The following SPAG16 variants were observed in gnomAD, a reference collection of about 807,000 sequenced individuals.
The protein encoded by SPAG16 is sperm associated antigen 16, also known as sperm-associated antigen 16 protein.
Under a neutral mutation model 80.4 loss-of-function variants are expected in SPAG16, and 86 were observed. The ratio of observed to expected loss-of-function variants is 1.07; its 90% CI spans 0.90 to 1.28. The LOEUF (loss-of-function observed/expected upper bound fraction) is 1.28. Ranked by LOEUF, SPAG16 falls within the 50% of genes most tolerant of loss-of-function variation. The pLI is 0.00. For missense variants in SPAG16, 870 were observed against 765.3 expected, an observed-to-expected ratio of 1.14 and a Z score of -1.61; for synonymous variants, 294 against 265.9, an observed-to-expected ratio of 1.11 and a Z score of -1.03.
intron 10 of SPAG16, among the ~76,000 whole-genome samples, chr2:213,560,092 A>G (rs1198459504): frequency 6.6e-6 from 1 of 152,058 alleles, no homozygotes; most frequent in Admixed American, 6.6e-5. Context: ...CACTCAGGAA[A>G]TGCAAATGTT....
chr2:213,407,685 GAGAC>G (rs1210287209), intron 9 of SPAG16, among the ~76,000 whole-genome samples: 1 of 146,236 alleles, frequency 6.8e-6, no homozygotes, highest in Admixed American at 6.8e-5. Flanking sequence ...AGAGAGGAGA[GAGAC>G]AGAAGAGAGA....
intron 15 of SPAG16, among the ~76,000 whole-genome samples, chr2:214,285,535 G>T (rs10183622): frequency 2.0e-5 from 3 of 152,034 alleles, no homozygotes; most frequent in Non-Finnish European, 4.4e-5. Context: ...CTAGCCGGGC[G>T]TGGTGGCTCA....
chr2:213,330,588 A>G (rs963428831), intron 5 of SPAG16, among the ~76,000 whole-genome samples: 8 of 152,182 alleles, frequency 5.3e-5, no homozygotes, highest in African/African-American at 1.7e-4. Flanking sequence ...TTACAGGCTC[A>G]TAGGTGGAAG....
At chr2:214,277,075 G>A (rs1217008184) in intron 15 of SPAG16, among the ~76,000 whole-genome samples, 5 of 151,816 alleles carry the variant, frequency 3.3e-5, no homozygotes, top group Non-Finnish European at 5.9e-5. Context: ...CCACTTGATC[G>A]AATCGGCTAC....
At chr2:214,280,780 C>A in intron 15 of SPAG16, 1 of 452,818 alleles carries the variant, frequency 2.2e-6, no homozygotes, top group South Asian at 1.8e-5. Flanking sequence ...ACTAGATTCT[C>A]TCATATAGCA....
intron 13 of SPAG16, among the ~76,000 whole-genome samples, chr2:214,084,460 A>G (rs2051590054): frequency 6.6e-6 from 1 of 152,176 alleles, no homozygotes; most frequent in South Asian, 2.1e-4. Flanking sequence ...CCCTAAACCA[A>G]TGGAAATACC....
chr2:213,401,243 T>C (rs1327963520), intron 9 of SPAG16, among the ~76,000 whole-genome samples: 3 of 152,248 alleles, frequency 2.0e-5, no homozygotes, highest in Non-Finnish European at 4.4e-5. Flanking sequence ...GCCATGGGCA[T>C]GAAAAGAATG....
intron 10 of SPAG16, among the ~76,000 whole-genome samples, chr2:213,624,626 G>A (rs890966611): frequency 6.6e-6 from 1 of 152,176 alleles, no homozygotes; most frequent in African/African-American, 2.4e-5. Context: ...CAGAGCTGCG[G>A]TTTGAACCTA....
intron 15 of SPAG16, among the ~76,000 whole-genome samples, chr2:214,209,618 A>T (rs958501613): frequency 1.3e-5 from 2 of 152,128 alleles, no homozygotes; most frequent in African/African-American, 4.8e-5. Flanking sequence ...TAGTTGTCTT[A>T]CCACAATAGT....
intron 3 of SPAG16, among the ~76,000 whole-genome samples, chr2:213,302,971 A>G (rs1023672945): frequency 5.3e-5 from 8 of 152,110 alleles, no homozygotes; most frequent in African/African-American, 1.9e-4. Flanking sequence ...CTGTTTTCCA[A>G]GTTCCTTCCA....
intron 9 of SPAG16, among the ~76,000 whole-genome samples, chr2:213,461,561 G>T (rs1575648420): frequency 1.3e-5 from 2 of 152,162 alleles, no homozygotes; most frequent in Non-Finnish European, 2.9e-5. Context: ...TAATAAGAAA[G>T]AAGTAAGTGA....
intron 12 of SPAG16, among the ~76,000 whole-genome samples, chr2:214,001,312 CTATT>C (rs1242879335): frequency 4.6e-5 from 7 of 152,124 alleles, no homozygotes; most frequent in East Asian, 1.9e-4. Context: ...TTCTATCTAT[CTATT>C]TATCTATAAA....
intron 5 of SPAG16, among the ~76,000 whole-genome samples, chr2:213,320,186 T>C (rs536052098): frequency 6.6e-6 from 1 of 152,098 alleles, no homozygotes; most frequent in African/African-American, 2.4e-5. Flanking sequence ...GAATGAAGTT[T>C]TGTTTCGTTT....
At chr2:214,134,668 A>T (rs2054954240) in intron 14 of SPAG16, among the ~76,000 whole-genome samples, 1 of 152,184 alleles carries the variant, frequency 6.6e-6, no homozygotes. Flanking sequence ...ACAAGAAAGC[A>T]ATCTTCACTT....
chr2:213,386,170 TCCA>T (rs2067419496), intron 9 of SPAG16, among the ~76,000 whole-genome samples: 1 of 152,186 alleles, frequency 6.6e-6, no homozygotes, highest in African/African-American at 2.4e-5. Context: ...CCCAATGTCT[TCCA>T]AACTCCCATT....
At chr2:213,962,341 C>T (rs1262521661) in intron 12 of SPAG16, among the ~76,000 whole-genome samples, 5 of 151,838 alleles carry the variant, frequency 3.3e-5, no homozygotes, top group South Asian at 2.1e-4. Flanking sequence ...TACAGGCGCC[C>T]GCCACCAAGC....
intron 10 of SPAG16, among the ~76,000 whole-genome samples, chr2:213,684,753 T>C (rs940739544): frequency 6.6e-6 from 1 of 152,226 alleles, no homozygotes; most frequent in Non-Finnish European, 1.5e-5. Context: ...TTATCCATTA[T>C]GTAACAAATG....
intron 15 of SPAG16, among the ~76,000 whole-genome samples, chr2:214,330,775 G>A (rs1163916000): frequency 6.6e-6 from 1 of 152,176 alleles, no homozygotes; most frequent in African/African-American, 2.4e-5. Flanking sequence ...GCCAAAAGGA[G>A]CCAACACTTT....
chr2:213,844,898 A>C (rs995620868), intron 10 of SPAG16, among the ~76,000 whole-genome samples: 10 of 152,210 alleles, frequency 6.6e-5, no homozygotes, highest in Admixed American at 1.3e-4. Flanking sequence ...CATACATAGC[A>C]ATACAAATAA....
Sources: allele counts gnomAD v4.1 joint callset (sites outside exome capture counted in the v4.1 genomes callset), GRCh38; gene constraint gnomAD v4.1.1; transcripts MANE v1.5; gene names NCBI Gene and HGNC (gene_info 2026-07-23, HGNC 2026-07-21).